WDR64: variants seen among roughly 807,000 people sequenced by gnomAD.
The protein encoded by WDR64 is WD repeat-containing protein 64.
In WDR64, 112 loss-of-function variants were observed where a neutral mutation model predicts 139.3. The observed-to-expected ratio is 0.80, with a 90% CI of 0.69 to 0.94. The LOEUF (loss-of-function observed/expected upper bound fraction) is 0.94, where lower values mean the gene tolerates loss of function less well. Among genes scored for constraint, WDR64 ranks in the 40% least tolerant of loss-of-function variants. The pLI is 0.00. For synonymous variants in WDR64, 444 were observed against 437.7 expected, an observed-to-expected ratio of 1.01 and a Z score of -0.18; for missense variants, 1,206 against 1,293.1, an observed-to-expected ratio of 0.93 and a Z score of 1.03.
intron 19 of WDR64, among the ~76,000 whole-genome samples, chr1:241,772,109 G>C (rs1658477254): frequency 1.3e-5 from 2 of 148,636 alleles, no homozygotes; most frequent in East Asian, 3.9e-4. Context: ...GAATATTACT[G>C]AACTTCTTAG....
In WDR64 at chr1:241,652,295, T is replaced by C; in HGVS notation, c.-190T>C. 1 of 575,108 alleles carries C rather than the reference T, an allele frequency of 1.7e-6. No homozygotes were observed. Among genetic ancestry groups the C allele is most frequent in the East Asian group, 2.8e-5 (1 of 35,414 alleles). The allele number at this position is 575,108 out of a possible 1,614,324, so 35.6% of individuals were successfully genotyped here. On this transcript the variant is annotated 5_prime_UTR_variant, in exon 1 of 28. Transcript: ENST00000437684. ...TGAAATGCATCAGACCTAAATCAGC[T>C]TTCCTCCCTGCTAACATCCTAGTGG... is the stretch of plus-strand genomic sequence containing the variant.
In WDR64 at chr1:241,741,670, T is replaced by C. The variant is rs1481030527; in HGVS notation, c.1470+6T>C. 1 of 1,589,666 alleles carries C rather than the reference T, an allele frequency of 6.3e-7. No individual in the cohort carries two copies. Among genetic ancestry groups the C allele is most frequent in the Non-Finnish European group, 8.5e-7 (1 of 1,173,432 alleles). ...GCTCTGAATCCATAATTAGGGTAAG[T>C]ACCTATTGGCTTTTCAAACAGAAAA... On this transcript the variant is annotated splice_donor_region_variant and intron_variant, in intron 12 of 27. Transcript: ENST00000437684.
chr1:241,782,129 A>C (rs955223225), intron 22 of WDR64, among the ~76,000 whole-genome samples: 2 of 152,176 alleles, frequency 1.3e-5, no homozygotes, highest in Non-Finnish European at 2.9e-5. Flanking sequence ...TACTAAAAAT[A>C]CAAAAAAAAT....
chr1:241,715,943 C>T (rs1029741963), intron 9 of WDR64, among the ~76,000 whole-genome samples: 7 of 152,194 alleles, frequency 4.6e-5, no homozygotes, highest in Admixed American at 2.6e-4. Flanking sequence ...AGCTTGAAAA[C>T]GTGTTTATTA....
chr1:241,750,302 G>A (rs59029075), intron 14 of WDR64, among the ~76,000 whole-genome samples: 51 of 152,212 alleles, frequency 3.4e-4, no homozygotes, highest in African/African-American at 1.2e-3. Flanking sequence ...CCTGGCTATT[G>A]AGCGGATCTC....
In WDR64 at chr1:241,656,850, T is replaced by C. The variant is rs1005515593; in HGVS notation, c.146-3680T>C. ...CTCCTAGTTGTGACAGTCAAAAATGTCTCAAGTCTTTGCCAAATGTTGTGT... is the reference window on the plus strand; with the variant it reads ...CTCCTAGTTGTGACAGTCAAAAATGCCTCAAGTCTTTGCCAAATGTTGTGT... On this transcript the variant is annotated intron_variant, in intron 1 of 27. Transcript: ENST00000437684. The surrounding 1 kb of genome is among the most constrained non-coding windows in gnomAD (Gnocchi z 4.3). Among the ~76,000 whole-genome samples, 1 of 150,628 alleles carries C rather than the reference T, an allele frequency of 6.6e-6. No individual in the cohort carries two copies. The highest frequency in any genetic ancestry group is 2.5e-5 in the African/African-American group (1 of 40,756).
rs553919890 is a variant in WDR64 at position 241,653,651 on chromosome 1, C to T, written c.145+1022C>T. 2.5e-3 allele frequency among the ~76,000 whole-genome samples: 380 copies of T among 150,930 alleles called. 2 individuals are homozygous for T. The highest frequency in any genetic ancestry group is 8.9e-3 in the African/African-American group (365 of 41,132). The stretch of plus-strand genomic sequence containing the variant: ...CTCTGCCTCCCAGGTTCAAGTGATT[C>T]TCCTGCCTCAGCCTCCCAAGTAGCT... On this transcript the variant is annotated intron_variant, in intron 1 of 27. Coordinates refer to ENST00000437684, the MANE Select transcript of WDR64 (RefSeq NM_001367482.1).
At position 241,680,975 on chromosome 1, in the gene WDR64, A is replaced by G. The variant is rs562351682; in HGVS notation, c.624+1380A>G. Among the ~76,000 whole-genome samples, 11 of 152,228 alleles carry G rather than the reference A, an allele frequency of 7.2e-5. No homozygotes were observed. In the East Asian group the frequency reaches 2.1e-3, roughly 29 times the overall value. Reference sequence around the variant, plus strand: ...CAAATTCCAGTGCTGTCACCTACAGATTTAACTGGAAACCACATCCTTACT... The same window carrying G: ...CAAATTCCAGTGCTGTCACCTACAGGTTTAACTGGAAACCACATCCTTACT... On this transcript the variant is annotated intron_variant, in intron 6 of 27. Coordinates refer to ENST00000437684, the MANE Select transcript of WDR64 (RefSeq NM_001367482.1).
At chr1:241,661,613 A>G (rs1252765862) in intron 2 of WDR64, among the ~76,000 whole-genome samples, 3 of 152,174 alleles carry the variant, frequency 2.0e-5, no homozygotes, top group Non-Finnish European at 4.4e-5. Flanking sequence ...GAACTATAAG[A>G]CAATTTTACT....
chr1:241,758,873 A>AG (rs1204516356), intron 15 of WDR64, among the ~76,000 whole-genome samples: 5 of 152,208 alleles, frequency 3.3e-5, no homozygotes, highest in Admixed American at 2.6e-4. Context: ...CACTACCAGT[A>AG]GGTTGGTTCT....
chr1:241,696,671 G>T (rs1266695019), intron 8 of WDR64, among the ~76,000 whole-genome samples: 1 of 152,066 alleles, frequency 6.6e-6, no homozygotes, highest in Non-Finnish European at 1.5e-5. Context: ...GCACTGGTGG[G>T]AGTGTCTCTT....
chr1:241,781,867 T>C (rs886258539), intron 22 of WDR64, among the ~76,000 whole-genome samples: 1 of 152,244 alleles, frequency 6.6e-6, no homozygotes, highest in African/African-American at 2.4e-5. Context: ...CAAGTATATG[T>C]ATATGTTCAT....
chr1:241,799,606 GA>G (rs1365273122), intron 27 of WDR64, among the ~76,000 whole-genome samples: 1 of 152,044 alleles, frequency 6.6e-6, no homozygotes, highest in Non-Finnish European at 1.5e-5. Flanking sequence ...TTACAGTTAA[GA>G]AAACTGAAAC....
At chr1:241,728,940 A>G (rs1668965509) in intron 10 of WDR64, among the ~76,000 whole-genome samples, 1 of 152,168 alleles carries the variant, frequency 6.6e-6, no homozygotes, top group Admixed American at 6.6e-5. Flanking sequence ...TGGTATGTAG[A>G]AACCTGAGAA....
intron 2 of WDR64, among the ~76,000 whole-genome samples, chr1:241,662,277 A>G (rs1316684818): frequency 6.6e-6 from 1 of 152,154 alleles, no homozygotes; most frequent in African/African-American, 2.4e-5. Flanking sequence ...TGCTCGGGGT[A>G]TCATAAAGCT....
At chr1:241,785,853 G>A (rs1411540560) in intron 23 of WDR64, among the ~76,000 whole-genome samples, 1 of 152,224 alleles carries the variant, frequency 6.6e-6, no homozygotes, top group Non-Finnish European at 1.5e-5. Context: ...TCTGTAGACA[G>A]AAGTTCAGGG....
In WDR64 at chr1:241,795,260, T is replaced by C. The variant is rs756164151; in HGVS notation, c.3051T>C (p.Ile1017=). 3 of 1,613,904 alleles carry C rather than the reference T, an allele frequency of 1.9e-6. No individual in the cohort carries two copies. The South Asian group carries it at 3.3e-5, about 18-fold the overall frequency. ...GFVTENREAG[I]VFGSLPIYSI... is the part of the protein sequence containing the mutation. ...TGACTGAAAACAGAGAGGCAGGGAT[T>C]GTTTTCGGCTCTCTGCCTATATACA... The change falls in exon 26 of 28, where the codon ATT becomes ATC. Residue 1017 remains isoleucine, a synonymous_variant. Transcript: ENST00000437684.
At chr1:241,653,872 G>A (rs990392315) in intron 1 of WDR64, among the ~76,000 whole-genome samples, 1 of 152,106 alleles carries the variant, frequency 6.6e-6, no homozygotes, top group Non-Finnish European at 1.5e-5. Context: ...AAGTGTTAAA[G>A]CTAAGACTTG....
At chr1:241,702,376 A>G (rs1332704697) in intron 8 of WDR64, among the ~76,000 whole-genome samples, 40 of 152,204 alleles carry the variant, frequency 2.6e-4, no homozygotes, top group Non-Finnish European at 7.3e-5. Context: ...TTTAAATGGT[A>G]ATGAATATAC....
Sources: allele counts gnomAD v4.1 joint callset (sites outside exome capture counted in the v4.1 genomes callset), GRCh38; gene constraint gnomAD v4.1.1; non-coding constraint Gnocchi (gnomAD v3.1); transcripts MANE v1.5; gene names NCBI Gene and HGNC (gene_info 2026-07-23, HGNC 2026-07-21).